NR6A1: variants seen among roughly 807,000 people sequenced by gnomAD.
NR6A1 encodes the protein retinoic acid receptor-related testis-associated receptor.
NR6A1 carries 7 observed loss-of-function variants against 59.1 expected under a neutral mutation model. That is an observed-to-expected ratio of 0.12 (90% CI 0.07 to 0.22). The LOEUF is 0.22. Ranked by LOEUF, NR6A1 falls within the 10% of genes least tolerant of loss-of-function variation. NR6A1 has a pLI of 1.00. For synonymous variants in NR6A1, 243 were observed against 236.1 expected, an observed-to-expected ratio of 1.03 and a Z score of -0.27; for missense variants, 468 against 611.6, an observed-to-expected ratio of 0.77 and a Z score of 2.48.
intron 2 of NR6A1, among the ~76,000 whole-genome samples, chr9:124,648,093 A>G (rs1836992683): frequency 6.6e-6 from 1 of 152,228 alleles, no homozygotes; most frequent in South Asian, 2.1e-4. Flanking sequence ...CACATTAAAA[A>G]AAATCATTCA....
At chr9:124,530,581 C>G (rs2131331536) in intron 7 of NR6A1, among the ~76,000 whole-genome samples, 1 of 152,328 alleles carries the variant, frequency 6.6e-6, no homozygotes, top group South Asian at 2.1e-4. Context: ...ATCCCCCAAA[C>G]CACTGGACCA....
At chr9:124,568,169 CAAAAA>C (rs34652433) in intron 2 of NR6A1, among the ~76,000 whole-genome samples, 58 of 30,448 alleles carry the variant, frequency 1.9e-3, no homozygotes, top group East Asian at 3.4e-3. Context: ...TACTTCATCT[CAAAAA>C]AAAAAAAAAA....
chr9:124,645,050 G>T (rs1174393236), intron 2 of NR6A1, among the ~76,000 whole-genome samples: 1 of 152,136 alleles, frequency 6.6e-6, no homozygotes, highest in Non-Finnish European at 1.5e-5. Context: ...GAAACAAAAT[G>T]AATGACAGCA....
chr9:124,704,752 G>T (rs1007342071), intron 2 of NR6A1, among the ~76,000 whole-genome samples: 4 of 151,698 alleles, frequency 2.6e-5, no homozygotes, highest in African/African-American at 9.7e-5. Context: ...TTTGTGTGTG[G>T]GGGGGAAGAC....
chr9:124,569,227 A>G (rs933148426), intron 2 of NR6A1, among the ~76,000 whole-genome samples: 5 of 152,230 alleles, frequency 3.3e-5, no homozygotes, highest in Non-Finnish European at 7.3e-5. Flanking sequence ...CGTGCAATCT[A>G]TCTTGTAAGT....
chr9:124,665,870 A>G (rs1352553158), intron 2 of NR6A1, among the ~76,000 whole-genome samples: 1 of 152,212 alleles, frequency 6.6e-6, no homozygotes, highest in Non-Finnish European at 1.5e-5. Context: ...GTGTCTAAAT[A>G]TTAACCCCTC....
At chr9:124,586,727 G>A (rs1476442520) in intron 2 of NR6A1, among the ~76,000 whole-genome samples, 2 of 152,158 alleles carry the variant, frequency 1.3e-5, no homozygotes, top group Admixed American at 1.3e-4. Context: ...GGGATTACAG[G>A]TGCAAGCCAC....
intron 2 of NR6A1, among the ~76,000 whole-genome samples, chr9:124,688,751 C>T (rs2131013386): frequency 6.6e-6 from 1 of 152,300 alleles, no homozygotes; most frequent in Non-Finnish European, 1.5e-5. Flanking sequence ...CACAGACAAA[C>T]CCACCAAGGA....
intron 1 of NR6A1, among the ~76,000 whole-genome samples, chr9:124,739,592 C>T (rs916457988): frequency 3.3e-5 from 5 of 152,202 alleles, no homozygotes; most frequent in Non-Finnish European, 7.3e-5. Flanking sequence ...GTAGCTGAGA[C>T]TACAGGTGTG....
chr9:124,629,474 T>C (rs1427888698), intron 2 of NR6A1, among the ~76,000 whole-genome samples: 3 of 152,212 alleles, frequency 2.0e-5, no homozygotes, highest in Admixed American at 6.5e-5. Context: ...AATAACTCTG[T>C]GAGAAAGTAT....
chr9:124,583,159 C>A (rs2131465344), intron 2 of NR6A1, among the ~76,000 whole-genome samples: 1 of 150,848 alleles, frequency 6.6e-6, no homozygotes, highest in East Asian at 1.9e-4. Flanking sequence ...CCCACACCCA[C>A]CCCTTGCTCT....
intron 1 of NR6A1, among the ~76,000 whole-genome samples, chr9:124,751,695 A>T (rs1284418070): frequency 6.6e-6 from 1 of 152,252 alleles, no homozygotes; most frequent in African/African-American, 2.4e-5. Flanking sequence ...GTTTCACAAG[A>T]TGATTTATCA....
intron 2 of NR6A1, among the ~76,000 whole-genome samples, chr9:124,608,174 G>T (rs1389618456): frequency 6.6e-6 from 1 of 152,164 alleles, no homozygotes; most frequent in East Asian, 1.9e-4. Flanking sequence ...TTACGTTTCA[G>T]GGTACATGTG....
chr9:124,749,235 C>A (rs1368759081), intron 1 of NR6A1, among the ~76,000 whole-genome samples: 1 of 150,568 alleles, frequency 6.6e-6, no homozygotes, highest in Non-Finnish European at 1.5e-5. Flanking sequence ...GCACTCCAAC[C>A]TGGGCAACAA....
At chr9:124,563,474 T>G (rs1200628683) in intron 2 of NR6A1, among the ~76,000 whole-genome samples, 2 of 152,222 alleles carry the variant, frequency 1.3e-5, no homozygotes, top group Non-Finnish European at 2.9e-5. Context: ...TCAGTTCTCT[T>G]AGTCTAACTA....
At position 124,524,890 on chromosome 9, in the gene NR6A1, A is replaced by C. The variant is rs559656870; in HGVS notation, c.1202-17T>G. Reference sequence around the variant, plus strand: ...CCCTGATATCTGTGGAAAAAAAAAAAACACACACACACATACAGGGAATGG... The same window carrying C: ...CCCTGATATCTGTGGAAAAAAAAAACACACACACACACATACAGGGAATGG... On this transcript the variant is annotated splice_polypyrimidine_tract_variant and intron_variant, in intron 8 of 9. Coordinates refer to ENST00000487099, the MANE Select transcript of NR6A1 (RefSeq NM_033334.4). 1,539 of 1,582,348 alleles carry C rather than the reference A, an allele frequency of 9.7e-4. 11 individuals are homozygous for C. The South Asian group carries it at 0.015, about 16-fold the overall frequency.
chr9:124,638,564 G>A (rs974148540), intron 2 of NR6A1, among the ~76,000 whole-genome samples: 1 of 152,164 alleles, frequency 6.6e-6, no homozygotes, highest in African/African-American at 2.4e-5. Flanking sequence ...AAATTCACTA[G>A]TGCAATGCTT....
chr9:124,629,697 A>G (rs1836367288), intron 2 of NR6A1, among the ~76,000 whole-genome samples: 1 of 152,144 alleles, frequency 6.6e-6, no homozygotes, highest in Non-Finnish European at 1.5e-5. Context: ...CTAGAAGAAT[A>G]CTGTTTCTTC....
chr9:124,694,290 G>A (rs531171011), intron 2 of NR6A1, among the ~76,000 whole-genome samples: 1 of 152,076 alleles, frequency 6.6e-6, no homozygotes, highest in African/African-American at 2.4e-5. Flanking sequence ...TGCATGTTTT[G>A]GGGGGAGAGT....
Sources: gnomAD v4.1 joint callset for allele counts (sites outside exome capture counted in the v4.1 genomes callset) on GRCh38, gnomAD v4.1.1 for gene constraint, MANE v1.5 for transcripts, NCBI Gene and HGNC (gene_info 2026-07-23, HGNC 2026-07-21) for gene names.